The following TOE1 variants were observed in gnomAD, a reference collection of about 807,000 sequenced individuals.
TOE1 encodes the protein target of EGR1, exonuclease.
TOE1 carries 50 observed loss-of-function variants against 49.2 expected under a neutral mutation model. That is an observed-to-expected ratio of 1.02 (90% CI 0.81 to 1.29). The LOEUF (loss-of-function observed/expected upper bound fraction) is 1.29. TOE1 is among the 50% of genes most tolerant of loss of function. The pLI is 0.00. For synonymous variants in TOE1, 221 were observed against 247.0 expected (o/e 0.89, Z 0.99); for missense variants, 544 against 654.4 (o/e 0.83, Z 1.84).
intron 3 of TOE1, 34 bp downstream of exon 3, chr1:45,341,377 C>T: frequency 6.2e-7 from 1 of 1,614,084 alleles, no homozygotes. Flanking sequence ...TAGTGCCAGC[C>T]CTCAACTGTG....
Position 45,340,380 on chromosome 1 carries a change from A to G in TOE1, c.52+76A>G, listed in dbSNP as rs547694371. The G allele has an allele frequency of 2.6e-6, 4 of 1,554,542 alleles. No homozygotes were observed. The highest frequency in any genetic ancestry group is 1.4e-5 in the African/African-American group (1 of 73,296). On this transcript the variant is annotated intron_variant, in intron 1 of 7. Transcript: ENST00000372090. The stretch of plus-strand genomic sequence containing the variant: ...GGGAAGGCCTCGGGCTCATAGTTCT[A>G]GAGGCTCCTCAAGCTTCAGAGGACT...
In TOE1 at chr1:45,343,485, G is replaced by A. The variant is rs756434189; in HGVS notation, c.1316G>A (p.Arg439Gln). 1.1e-5 allele frequency: 18 copies of A among 1,614,168 alleles called. No individual in the cohort carries two copies. Among genetic ancestry groups the A allele is most frequent in the Non-Finnish European group, 1.5e-5 (18 of 1,180,038 alleles). Residue 439 changes from arginine to glutamine, a missense_variant, in exon 8 of 8, where the codon CGG becomes CAG. Physicochemically the swap from Arg to Gln is conservative, Grantham distance 43. Coordinates refer to ENST00000372090, the MANE Select transcript of TOE1 (RefSeq NM_025077.4). The surrounding 1 kb of genome is among the most constrained non-coding windows in gnomAD (Gnocchi z 4.3). ...PNPVPGDGLH[R>Q]AGFDAFMTGY... The stretch of plus-strand genomic sequence containing the variant: ...CCAGTGCCTGGGGATGGATTGCACC[G>A]GGCTGGTTTTGATGCCTTTATGACA...
intron 5 of TOE1, 78 bp from the exon 6 acceptor site, chr1:45,342,306 A>C: frequency 1.3e-6 from 2 of 1,564,922 alleles, no homozygotes; most frequent in Non-Finnish European, 1.7e-6. Context: ...CAAGTGGGGA[A>C]GTCTGGGATA....
At chr1:45,341,865 G>A (rs1647008366) in intron 4 of TOE1, 84 bp from the exon 5 acceptor site, 1 of 1,434,900 alleles carries the variant, frequency 7.0e-7, no homozygotes, top group African/African-American at 1.4e-5. Flanking sequence ...AGTCCCCAGA[G>A]TCCATTGTAT....
intron 5 of TOE1, 69 bp from the exon 6 acceptor site, chr1:45,342,315 T>G: frequency 6.3e-7 from 1 of 1,575,862 alleles, no homozygotes; most frequent in Non-Finnish European, 8.6e-7. Flanking sequence ...AAGTCTGGGA[T>G]AAGTGCCCAG....
At chr1:45,340,856 CA>C (rs1356525606) in intron 1 of TOE1, among the ~76,000 whole-genome samples, 1 of 152,216 alleles carries the variant, frequency 6.6e-6, no homozygotes, top group Non-Finnish European at 1.5e-5. Flanking sequence ...TACCCAGGCT[CA>C]TACAAGCCAG....
Position 45,342,116 on chromosome 1 carries a change from C to G in TOE1, c.492+9C>G. On this transcript the variant is annotated intron_variant, in intron 5 of 7. Coordinates refer to ENST00000372090, the MANE Select transcript of TOE1 (RefSeq NM_025077.4). ...ATAAGGGCAATGACAAGGTAGGCCT[C>G]TAGCCTCCCTAGCCTTGAGTCTGCC... 6.2e-7 allele frequency: 1 copy of G among 1,612,876 alleles called. No individual in the cohort carries two copies. Among genetic ancestry groups the G allele is most frequent in the Non-Finnish European group, 8.5e-7 (1 of 1,179,330 alleles).
At chr1:45,342,229 G>A in intron 5 of TOE1, 122 bp downstream of exon 5, 3 of 1,501,152 alleles carry the variant, frequency 2.0e-6, no homozygotes, top group Non-Finnish European at 2.7e-6. Context: ...ACTAGTGACA[G>A]GGCTTGGGAA....
At chr1:45,341,797 A>C in intron 4 of TOE1, 152 bp from the exon 5 acceptor site, 1 of 864,924 alleles carries the variant, frequency 1.2e-6, no homozygotes, top group Non-Finnish European at 1.8e-6. Flanking sequence ...CACCCAGTGT[A>C]CACTGTGCCC....
In TOE1 at chr1:45,341,075, G is replaced by A; in HGVS notation, c.55G>A (p.Gly19Ser). Residue 19 changes from glycine to serine, a missense_variant and splice_region_variant, in exon 2 of 8, where the codon GGT becomes AGT. Physicochemically the swap from Gly to Ser is moderately conservative, Grantham distance 56 (BLOSUM62 0). Coordinates refer to ENST00000372090, the MANE Select transcript of TOE1 (RefSeq NM_025077.4). ...TCCATCACCCTCCTAACCCCCAGGT[G>A]GTGTCAGCAAAAGCACAACATCTGG... ...AVSAPAASDG[G>S]VSKSTTSGEE... The A allele has an allele frequency of 6.2e-7, 1 of 1,614,166 alleles. No individual in the cohort carries two copies. Among genetic ancestry groups the A allele is most frequent in the Non-Finnish European group, 8.5e-7 (1 of 1,180,030 alleles).
Position 45,343,472 on chromosome 1 carries a change from G to A in TOE1, c.1303G>A (p.Asp435Asn). Reference sequence around the variant, plus strand: ...AGCCAGTCCTAACCCAGTGCCTGGGGATGGATTGCACCGGGCTGGTTTTGA... The same window carrying A: ...AGCCAGTCCTAACCCAGTGCCTGGGAATGGATTGCACCGGGCTGGTTTTGA... ...SQASPNPVPG[D>N]GLHRAGFDAF... Residue 435 changes from aspartate to asparagine, a missense_variant, in exon 8 of 8, where the codon GAT (aspartate) becomes AAT (asparagine). Physicochemically the swap from Asp to Asn is conservative, Grantham distance 23 (BLOSUM62 1). Coordinates refer to ENST00000372090, the MANE Select transcript of TOE1 (RefSeq NM_025077.4). This position sits in a 1 kb window ranked among gnomAD's most constrained non-coding sequence, Gnocchi z 4.3. 1 of 1,614,176 alleles carries A rather than the reference G, an allele frequency of 6.2e-7. No individual in the cohort carries two copies. The highest frequency in any genetic ancestry group is 8.5e-7 in the Non-Finnish European group (1 of 1,180,038).
At position 45,343,675 on chromosome 1, in the gene TOE1, G is replaced by C. The variant is rs746809406; in HGVS notation, c.1506G>C (p.Lys502Asn). ...FSRSSKAHNQ[K>N]MKLTWGSS ...GTTCCTCCAAAGCCCACAATCAGAAGATGAAGCTCACTTGGGGCAGTAGCT... is the reference window on the plus strand; with the variant it reads ...GTTCCTCCAAAGCCCACAATCAGAACATGAAGCTCACTTGGGGCAGTAGCT... Residue 502 changes from lysine (K) to asparagine (N), a missense_variant, in exon 8 of 8, where the codon AAG becomes AAC. Physicochemically the swap from Lys to Asn is moderately conservative, Grantham distance 94. Coordinates refer to ENST00000372090, the MANE Select transcript of TOE1 (RefSeq NM_025077.4). The surrounding 1 kb of genome is among the most constrained non-coding windows in gnomAD (Gnocchi z 4.3). 1 of 1,610,114 alleles carries C rather than the reference G, an allele frequency of 6.2e-7. No individual in the cohort carries two copies. The highest frequency in any genetic ancestry group is 1.3e-5 in the African/African-American group (1 of 74,824).
intron 1 of TOE1, 134 bp downstream of exon 1, chr1:45,340,438 T>C: frequency 6.6e-7 from 1 of 1,513,698 alleles, no homozygotes; most frequent in Non-Finnish European, 8.8e-7. Context: ...ACGAGGAGAC[T>C]ACAAGTTCCG....
chr1:45,341,564 G>A lies in TOE1; in HGVS notation c.328G>A (p.Asp110Asn). The A allele has an allele frequency of 6.2e-7, 1 of 1,612,982 alleles. No individual in the cohort carries two copies. The highest frequency in any genetic ancestry group is 1.1e-5 in the South Asian group (1 of 90,820). The stretch of plus-strand genomic sequence containing the variant: ...CCTCGCCTGCTTCAAGCGGCAGCCA[G>A]ACAAGGTATGAGCTGATCTCACCCC... ...LGLACFKRQP[D>N]KGEHSYLAQV... is the part of the protein sequence containing the mutation. Residue 110 changes from aspartate (D) to asparagine (N), a missense_variant, in exon 4 of 8, where the codon GAC (aspartate) becomes AAC (asparagine). Asp to Asn is a conservative substitution (Grantham distance 23). Transcript: ENST00000372090.
rs1646970170 is a variant in TOE1 at position 45,341,473 on chromosome 1, G to T, written c.237G>T (p.Gln79His). ...AGCAACCCCCATACCCAACCCCAAG[G>T]TGCATTGAGGAACGTTACAAGGCCG... ...GLGDRKSLLNQCIEERYKAVC... is the reference protein window; with the variant it reads ...GLGDRKSLLNHCIEERYKAVC... The change falls in exon 4 of 8, where the codon CAG becomes CAT. Residue 79 changes from glutamine to histidine, a missense_variant and splice_region_variant. Transcript: ENST00000372090. The T allele has an allele frequency of 6.2e-7, 1 of 1,613,910 alleles. No individual in the cohort carries two copies. The highest frequency in any genetic ancestry group is 1.3e-5 in the African/African-American group (1 of 74,870).
intron 6 of TOE1, 22 bp downstream of exon 6, chr1:45,342,665 AG>A: frequency 6.2e-7 from 1 of 1,612,390 alleles, no homozygotes; most frequent in Non-Finnish European, 8.5e-7. Flanking sequence ...GTTGAGGGAA[AG>A]GGGTGGGGCC....
chr1:45,342,087 TA>T lies in TOE1; in HGVS notation c.473del (p.Tyr158SerfsTer23), dbSNP rs1647029924. 1 of 1,613,774 alleles carries T rather than the reference TA, an allele frequency of 6.2e-7. No homozygotes were observed. Among genetic ancestry groups the T allele is most frequent in the South Asian group, 1.1e-5 (1 of 91,078 alleles). On this transcript the variant is annotated frameshift_variant, in exon 5 of 8. Coordinates refer to ENST00000372090, the MANE Select transcript of TOE1 (RefSeq NM_025077.4). LOFTEE classifies it high-confidence loss of function. ...FNQQYAQGIPYHKGNDKGDES... is the reference protein window; with the variant it reads ...FNQQYAQGIPXHKGNDKGDES... ...CCAGCAGTATGCCCAAGGCATCCCC[TA>T]CCATAAGGGCAATGACAAGGTAGGC...
rs1647094204 is a variant in TOE1, at chr1:45,343,684, C to T, written c.1515C>T (p.Leu505=). 2 of 1,608,322 alleles carry T rather than the reference C, an allele frequency of 1.2e-6. No homozygotes were observed. Among genetic ancestry groups the T allele is most frequent in the East Asian group, 4.5e-5 (2 of 44,720 alleles). ...SSKAHNQKMK[L]TWGSS ...AAGCCCACAATCAGAAGATGAAGCT[C>T]ACTTGGGGCAGTAGCTGATGCAACT... is the stretch of plus-strand genomic sequence containing the variant. The change falls in exon 8 of 8, where the codon CTC becomes CTT. Residue 505 remains leucine, a synonymous_variant. Coordinates refer to ENST00000372090, the MANE Select transcript of TOE1 (RefSeq NM_025077.4). The surrounding 1 kb of genome is among the most constrained non-coding windows in gnomAD (Gnocchi z 4.3).
At chr1:45,340,355 G>A in intron 1 of TOE1, 51 bp downstream of exon 1, 1 of 1,583,052 alleles carries the variant, frequency 6.3e-7, no homozygotes, top group African/African-American at 1.3e-5. Flanking sequence ...TCTGGGAGAG[G>A]GGAAGGCCTC....
Sources: gnomAD v4.1 joint callset for allele counts (sites outside exome capture counted in the v4.1 genomes callset) on GRCh38, gnomAD v4.1.1 for gene constraint, Gnocchi (gnomAD v3.1) non-coding constraint, MANE v1.5 for transcripts, NCBI Gene and HGNC (gene_info 2026-07-23, HGNC 2026-07-21) for gene names.